Variants in GALM observed in about 807,000 individuals in gnomAD.
The protein encoded by GALM is galactose mutarotase, also known as aldose 1-epimerase.
A neutral mutation model predicts 37.4 loss-of-function variants in GALM; 43 were observed. That is an observed-to-expected ratio of 1.15 (90% CI 0.90 to 1.48). The LOEUF is 1.48. GALM is among the 40% of genes most tolerant of loss of function. The probability of loss-of-function intolerance (pLI) is 0.00; values close to 1 mark genes in which losing one functional copy is unlikely to be tolerated. For missense variants in GALM, 456 were observed against 419.1 expected (o/e 1.09, Z -0.77); for synonymous variants, 199 against 170.6 (o/e 1.17, Z -1.30).
intron 4 of GALM, among the ~76,000 whole-genome samples, chr2:38,695,679 T>C (rs1440296739): frequency 2.0e-5 from 3 of 149,960 alleles, no homozygotes; most frequent in Non-Finnish European, 4.4e-5. Flanking sequence ...GTGGTTTTGT[T>C]TGTTTGCTTG....
intron 4 of GALM, among the ~76,000 whole-genome samples, chr2:38,709,195 G>A (rs964252362): frequency 2.6e-5 from 4 of 152,138 alleles, no homozygotes; most frequent in African/African-American, 9.7e-5. Context: ...GGGGAATATG[G>A]CAACATCAGG....
chr2:38,695,907 C>T (rs749056700), intron 4 of GALM, among the ~76,000 whole-genome samples: 4 of 152,056 alleles, frequency 2.6e-5, no homozygotes, highest in Admixed American at 1.3e-4. Flanking sequence ...CCATGTTGAC[C>T]AGGCTGATCT....
At chr2:38,684,047 A>G (rs1351151437) in intron 3 of GALM, among the ~76,000 whole-genome samples, 1 of 152,194 alleles carries the variant, frequency 6.6e-6, no homozygotes, top group African/African-American at 2.4e-5. Context: ...CATCTTCAGA[A>G]TATCTCTTGC....
At chr2:38,673,808 T>TGA (rs1169056422) in intron 1 of GALM, among the ~76,000 whole-genome samples, 1 of 83,736 alleles carries the variant, frequency 1.2e-5, no homozygotes, top group Admixed American at 1.4e-4. Context: ...AGACTCCGTC[T>TGA]CAAAAAAAAA....
chr2:38,720,649 T>C (rs1666357337), intron 4 of GALM, among the ~76,000 whole-genome samples: 2 of 152,220 alleles, frequency 1.3e-5, no homozygotes, highest in Admixed American at 1.3e-4. Flanking sequence ...ACATCTTGTC[T>C]CTGCACATGA....
chr2:38,676,720 G>A (rs1041942175), intron 2 of GALM, among the ~76,000 whole-genome samples: 3 of 152,146 alleles, frequency 2.0e-5, no homozygotes, highest in East Asian at 1.9e-4. Flanking sequence ...CTGAGATCAC[G>A]CCACTGCACT....
chr2:38,683,247 G>A (rs1435605493), intron 3 of GALM, among the ~76,000 whole-genome samples: 7 of 152,076 alleles, frequency 4.6e-5, no homozygotes, highest in South Asian at 4.1e-4. Flanking sequence ...AATCCTGCAG[G>A]GACTTGGAGT....
At chr2:38,725,969 C>T (rs1378226078) in intron 4 of GALM, among the ~76,000 whole-genome samples, 1 of 152,056 alleles carries the variant, frequency 6.6e-6, no homozygotes, top group East Asian at 1.9e-4. Context: ...ACCTCAGCCT[C>T]CCAAACCTCT....
intron 5 of GALM, 113 bp from the exon 6 acceptor site, chr2:38,731,622 T>C: frequency 3.9e-6 from 3 of 762,704 alleles, no homozygotes; most frequent in Non-Finnish European, 6.7e-6. Context: ...TCCTTATATC[T>C]TGTCCCTGCT....
chr2:38,667,644 C>T (rs574980861), intron 1 of GALM, among the ~76,000 whole-genome samples: 13 of 147,022 alleles, frequency 8.8e-5, no homozygotes, highest in Middle Eastern at 3.7e-3. Context: ...CCACCATGCC[C>T]GGCTAATTTT....
chr2:38,666,370 T>A lies in GALM; in HGVS notation c.190+19T>A, dbSNP rs1436439703. The A allele has an allele frequency of 6.3e-7, 1 of 1,588,908 alleles. No individual in the cohort carries two copies. On this transcript the variant is annotated intron_variant, in intron 1 of 6. Transcript: ENST00000272252. ...TTGGAAGGTGGGTTGAACTGTGCCC[T>A]GGGCTGCGAGCAGGCCCCAGGCCCA...
At chr2:38,683,921 G>T (rs546885649) in intron 3 of GALM, among the ~76,000 whole-genome samples, 127 of 152,224 alleles carry the variant, frequency 8.3e-4, no homozygotes, top group African/African-American at 3.0e-3. Flanking sequence ...AGTAAGCGTA[G>T]CTTGAATCCA....
chr2:38,670,107 A>G (rs12712610), intron 1 of GALM, among the ~76,000 whole-genome samples: 35,468 of 151,636 alleles, frequency 0.23, 4,791 homozygotes, highest in East Asian at 0.55. Flanking sequence ...CAAGTGATCC[A>G]CCTACCTCAG....
At chr2:38,707,608 C>T (rs1290689253) in intron 4 of GALM, among the ~76,000 whole-genome samples, 1 of 152,032 alleles carries the variant, frequency 6.6e-6, no homozygotes, top group Non-Finnish European at 1.5e-5. Flanking sequence ...AGACTGTAAC[C>T]GTTTGAGAAG....
At chr2:38,682,240 G>A (rs1192448720) in intron 3 of GALM, 1 of 454,446 alleles carries the variant, frequency 2.2e-6, no homozygotes, top group African/African-American at 2.0e-5. Flanking sequence ...CCCTCCTAAA[G>A]GTAACAGTTT....
chr2:38,675,539 TTTTTTGTGTGTGTGTGTGTGTG>T (rs1169409195), intron 1 of GALM, among the ~76,000 whole-genome samples: 13 of 83,458 alleles, frequency 1.6e-4, no homozygotes, highest in African/African-American at 6.8e-4. Flanking sequence ...TTTTTTTTTT[TTTTTTGTGTGTGTGTGTGTGTG>T]TGTGTGTGTG....
chr2:38,701,137 G>C (rs961460327), intron 4 of GALM, among the ~76,000 whole-genome samples: 8 of 152,210 alleles, frequency 5.3e-5, no homozygotes, highest in African/African-American at 1.9e-4. Context: ...AGCTAGATGT[G>C]AGCAGATGAG....
intron 4 of GALM, among the ~76,000 whole-genome samples, chr2:38,719,476 A>T (rs1403219565): frequency 8.9e-5 from 13 of 146,664 alleles, no homozygotes; most frequent in African/African-American, 3.3e-4. Context: ...CTCAAAAAAA[A>T]AAAAAATTAG....
intron 4 of GALM, among the ~76,000 whole-genome samples, chr2:38,728,173 C>T (rs1308462843): frequency 6.6e-6 from 1 of 152,168 alleles, no homozygotes; most frequent in African/African-American, 2.4e-5. Flanking sequence ...GCAGGTGGAC[C>T]ACCTGAGGTC....
Sources: allele counts gnomAD v4.1 joint callset (sites outside exome capture counted in the v4.1 genomes callset), GRCh38; gene constraint gnomAD v4.1.1; transcripts MANE v1.5; gene names NCBI Gene and HGNC (gene_info 2026-07-23, HGNC 2026-07-21).